The following DST variants were observed in gnomAD, a reference collection of about 807,000 sequenced individuals.
DST encodes dystonin.
Under a neutral mutation model 875.2 loss-of-function variants are expected in DST, and 253 were observed. That is an observed-to-expected ratio of 0.29 (90% CI 0.26 to 0.32). The LOEUF is 0.32. DST is among the 10% of genes least tolerant of loss of function. The pLI is 1.00. For synonymous variants in DST, 3,124 were observed against 3,197.1 expected (o/e 0.98, Z 0.77); for missense variants, 8,287 against 9,111.6 (o/e 0.91, Z 3.68).
chr6:56,773,849 G>A (rs903643558), intron 4 of DST, among the ~76,000 whole-genome samples: 1 of 152,250 alleles, frequency 6.6e-6, no homozygotes, highest in Non-Finnish European at 1.5e-5. Flanking sequence ...TGGGCGCGGT[G>A]GCTCACGCCT....
intron 97 of DST, 77 bp from the exon 98 acceptor site, chr6:56,469,076 A>G (rs1306809086): frequency 2.7e-6 from 3 of 1,116,440 alleles, no homozygotes; most frequent in East Asian, 5.2e-5. Context: ...GAACATACAC[A>G]CATACTCACA....
intron 96 of DST, 30 bp from the exon 97 acceptor site, chr6:56,469,987 T>G (rs2094800513): frequency 6.2e-7 from 1 of 1,610,104 alleles, no homozygotes; most frequent in East Asian, 2.2e-5. Flanking sequence ...AATATTTACT[T>G]TAATGTCAAT....
intron 4 of DST, among the ~76,000 whole-genome samples, chr6:56,761,634 G>A (rs1481666515): frequency 6.6e-6 from 1 of 151,760 alleles, no homozygotes; most frequent in Non-Finnish European, 1.5e-5. Flanking sequence ...AGATGCCCGG[G>A]TTTCATCCTC....
At position 56,476,315 on chromosome 6, in the gene DST, T is replaced by C; in HGVS notation, c.21698A>G (p.His7233Arg). The C allele has an allele frequency of 2.5e-6, 4 of 1,600,086 alleles. No homozygotes were observed. The highest frequency in any genetic ancestry group is 3.4e-6 in the Non-Finnish European group (4 of 1,172,252). The change falls in exon 92 of 104, where the codon CAT becomes CGT. Residue 7233 changes from histidine to arginine, a missense_variant. Physicochemically the swap from His to Arg is conservative, Grantham distance 29. Transcript: ENST00000680361. Reference protein sequence around the residue: ...FEEVLAWAKQHQQRLASALAG... With the variant: ...FEEVLAWAKQRQQRLASALAG... ...CAGAGCACTTGCTAATCTCTGCTGATGTTGCTTTGCCCAGGCCAGCACCTG... is the reference window on the plus strand; with the variant it reads ...CAGAGCACTTGCTAATCTCTGCTGACGTTGCTTTGCCCAGGCCAGCACCTG...
chr6:56,776,238 C>T (rs957645243), intron 4 of DST, among the ~76,000 whole-genome samples: 1 of 152,188 alleles, frequency 6.6e-6, no homozygotes, highest in Non-Finnish European at 1.5e-5. Context: ...CTGACCACTA[C>T]TCCTCAAAAC....
At position 56,610,527 on chromosome 6, in the gene DST, T is replaced by C. The variant is rs1231867944; in HGVS notation, c.5183A>G (p.Gln1728Arg). 3 of 1,567,238 alleles carry C rather than the reference T, an allele frequency of 1.9e-6. No individual in the cohort carries two copies. Among genetic ancestry groups the C allele is most frequent in the Admixed American group, 1.9e-5 (1 of 52,156 alleles). Reference sequence around the variant, plus strand: ...ATAACTTTCCTGAAGAGTTTTCACTTGTTTTTCCAATTCATTTCTTTCTTC... The same window carrying C: ...ATAACTTTCCTGAAGAGTTTTCACTCGTTTTTCCAATTCATTTCTTTCTTC... ...TDEERNELEKQVKTLQESYNL... is the reference protein window; with the variant it reads ...TDEERNELEKRVKTLQESYNL... Residue 1728 changes from glutamine to arginine, a missense_variant, in exon 39 of 104, where the codon CAA (glutamine) becomes CGA (arginine). Coordinates refer to ENST00000680361, the MANE Select transcript of DST (RefSeq NM_001374736.1).
chr6:56,702,720 C>A (rs547573497), intron 7 of DST, among the ~76,000 whole-genome samples: 51 of 152,136 alleles, frequency 3.4e-4, no homozygotes, highest in Middle Eastern at 3.4e-3. Context: ...TACAAGTTAG[C>A]ATGAAGGAAA....
chr6:56,739,581 A>G lies in DST; in HGVS notation c.626-4292T>C, dbSNP rs577143554. 9.2e-5 allele frequency among the ~76,000 whole-genome samples: 14 copies of G among 152,258 alleles called. No individual in the cohort carries two copies. The East Asian group carries it at 2.3e-3, about 25-fold the overall frequency. ...GAGACCTACTGGGCTGCATTCCCAG[A>G]TGGTTAAGGCATTCTAAGTCACAGG... On this transcript the variant is annotated intron_variant, in intron 4 of 103. Coordinates refer to ENST00000680361, the MANE Select transcript of DST (RefSeq NM_001374736.1).
In DST at chr6:56,617,018, T is replaced by C. The variant is rs755587547; in HGVS notation, c.4930-2534A>G. 224 of 1,612,414 alleles carry C rather than the reference T, an allele frequency of 1.4e-4. No individual in the cohort carries two copies. The highest frequency in any genetic ancestry group is 1.8e-4 in the Non-Finnish European group (211 of 1,179,250). ...CTCGGCCGCTGAGGCAAATGAAATCTTTTCTTTTGTAGATTCTAGGTAAAG... is the reference window on the plus strand; with the variant it reads ...CTCGGCCGCTGAGGCAAATGAAATCCTTTCTTTTGTAGATTCTAGGTAAAG... On this transcript the variant is annotated intron_variant, in intron 36 of 103. Coordinates refer to ENST00000680361, the MANE Select transcript of DST (RefSeq NM_001374736.1).
At chr6:56,569,672 T>G (rs1200478409) in intron 54 of DST, among the ~76,000 whole-genome samples, 184 bp downstream of exon 54, 2 of 152,132 alleles carry the variant, frequency 1.3e-5, no homozygotes, top group African/African-American at 2.4e-5. Context: ...CACTGAAAAT[T>G]TATGTCCTTT....
chr6:56,640,924 T>C (rs1398422056), intron 17 of DST, among the ~76,000 whole-genome samples: 1 of 152,208 alleles, frequency 6.6e-6, no homozygotes, highest in Non-Finnish European at 1.5e-5. Context: ...ATGAGCATTG[T>C]ACTATGAGGA....
intron 5 of DST, among the ~76,000 whole-genome samples, chr6:56,709,045 T>C (rs1487107328): frequency 6.6e-6 from 1 of 152,186 alleles, no homozygotes; most frequent in East Asian, 1.9e-4. Flanking sequence ...ACGAGCAAAG[T>C]AAAAGCACTA....
intron 3 of DST, among the ~76,000 whole-genome samples, chr6:56,892,891 G>A (rs756221454): frequency 6.6e-6 from 1 of 152,204 alleles, no homozygotes; most frequent in Non-Finnish European, 1.5e-5. Flanking sequence ...GTCTAGGGGA[G>A]GAGGAATAAA....
chr6:56,703,560 G>A (rs2099319814), intron 7 of DST, 88 bp downstream of exon 7: 1 of 400,592 alleles, frequency 2.5e-6, no homozygotes. Flanking sequence ...CTAAAAAGGA[G>A]CCTGAACCCA....
At chr6:56,468,163 AT>A (rs374304017) in intron 98 of DST, among the ~76,000 whole-genome samples, 47,546 of 151,612 alleles carry the variant, frequency 0.31, 8,054 homozygotes, top group Middle Eastern at 0.45. Flanking sequence ...CCAAAGTAAA[AT>A]AAAATAAAAT....
chr6:56,536,040 C>A (rs2096991063), intron 62 of DST, among the ~76,000 whole-genome samples: 1 of 152,198 alleles, frequency 6.6e-6, no homozygotes, highest in East Asian at 1.9e-4. Flanking sequence ...CTGGTACCTG[C>A]TGAAGATGTC....
chr6:56,617,781 A>G (rs1164214204), intron 36 of DST, among the ~76,000 whole-genome samples: 1 of 152,202 alleles, frequency 6.6e-6, no homozygotes, highest in Non-Finnish European at 1.5e-5. Context: ...TGTATGTTTA[A>G]TCTCAAACAT....
In DST at chr6:56,954,429, G is replaced by T. The variant is rs1344885283; in HGVS notation, c.159C>A (p.Phe53Leu). ...TACCTCGGCTTCTTGAACGACCCGA[G>T]AAGACCGATTTCATCGGATGCCTCC... ...QKGRHPMKSV[F>L]SGRSRSRDAV... Residue 53 changes from phenylalanine to leucine, a missense_variant, in exon 1 of 104, where the codon TTC (phenylalanine) becomes TTA (leucine). Physicochemically the swap from Phe to Leu is conservative, Grantham distance 22. Coordinates refer to ENST00000680361, the MANE Select transcript of DST (RefSeq NM_001374736.1). 2 of 1,367,390 alleles carry T rather than the reference G, an allele frequency of 1.5e-6. No homozygotes were observed. The highest frequency in any genetic ancestry group is 2.0e-6 in the Non-Finnish European group (2 of 1,021,798). 84.7% of individuals were successfully genotyped at this position (1,367,390 alleles called of 1,614,324 possible). A position where few individuals can be genotyped will look rare whatever the true frequency, so the allele number is the denominator to read the frequency against.
rs17757606 is a variant in DST at position 56,509,553 on chromosome 6, C to T, written c.19012+89G>A. 8.7e-3 allele frequency: 8,354 copies of T among 957,938 alleles called. 347 individuals carry two copies. The East Asian group carries it at 0.11, about 13-fold the overall frequency. 59.3% of individuals were successfully genotyped at this position (957,938 alleles called of 1,614,324 possible). The stretch of plus-strand genomic sequence containing the variant: ...CATTTGTAGTATCTTTTTTAAGATG[C>T]GGCATTTTGTTATCCAATTGGACGG... On this transcript the variant is annotated intron_variant, in intron 74 of 103. Transcript: ENST00000680361.
Sources: allele counts gnomAD v4.1 joint callset (sites outside exome capture counted in the v4.1 genomes callset), GRCh38; gene constraint gnomAD v4.1.1; transcripts MANE v1.5; gene names NCBI Gene and HGNC (gene_info 2026-07-23, HGNC 2026-07-21).